AMBRA1: variants seen among roughly 807,000 people sequenced by gnomAD.
AMBRA1 encodes activating molecule in BECN1-regulated autophagy protein 1.
A neutral mutation model predicts 125.4 loss-of-function variants in AMBRA1; 47 were observed. That is an observed-to-expected ratio of 0.37 (90% CI 0.30 to 0.48). The LOEUF (loss-of-function observed/expected upper bound fraction) is 0.48. AMBRA1 is among the 20% of genes least tolerant of loss of function. The probability of loss-of-function intolerance (pLI) is 0.99; values close to 1 mark genes in which losing one functional copy is unlikely to be tolerated. For synonymous variants in AMBRA1, 626 were observed against 655.5 expected, an observed-to-expected ratio of 0.95 and a Z score of 0.69; for missense variants, 1,331 against 1,693.4, an observed-to-expected ratio of 0.79 and a Z score of 3.76.
At chr11:46,503,871 T>C (rs559845067) in intron 9 of AMBRA1, among the ~76,000 whole-genome samples, 1 of 152,330 alleles carries the variant, frequency 6.6e-6, no homozygotes, top group African/African-American at 2.4e-5. Context: ...CAGTCTTTTA[T>C]TTGTTTAATA....
intron 17 of AMBRA1, among the ~76,000 whole-genome samples, chr11:46,400,362 T>C (rs577807156): frequency 1.3e-5 from 2 of 151,924 alleles, no homozygotes; most frequent in East Asian, 3.9e-4. Context: ...CTCATTAGAG[T>C]TGGATTTCCA....
chr11:46,515,128 G>A (rs1468902222), intron 7 of AMBRA1, among the ~76,000 whole-genome samples: 2 of 152,130 alleles, frequency 1.3e-5, no homozygotes, highest in African/African-American at 2.4e-5. Context: ...CCAAGTGGTC[G>A]TTTAGTAAGC....
chr11:46,405,519 G>C (rs950470985), intron 17 of AMBRA1, among the ~76,000 whole-genome samples: 3 of 152,000 alleles, frequency 2.0e-5, no homozygotes, highest in African/African-American at 7.2e-5. Flanking sequence ...AGGAGTTCAA[G>C]ACCAGCCCAG....
At chr11:46,451,897 AAACTTATC>A (rs1948615682) in intron 11 of AMBRA1, 1 of 149,258 alleles carries the variant, frequency 6.7e-6, no homozygotes, top group Admixed American at 6.6e-5. Flanking sequence ...TCCAACTGAA[AAACTTATC>A]AACTTTTCAA....
chr11:46,517,693 G>A (rs984012697), intron 7 of AMBRA1, among the ~76,000 whole-genome samples: 3 of 150,382 alleles, frequency 2.0e-5, no homozygotes, highest in Middle Eastern at 3.4e-3. Flanking sequence ...AATTAGCCGG[G>A]CCTGGTGGCA....
chr11:46,550,930 CAA>C (rs1159824681), intron 1 of AMBRA1, among the ~76,000 whole-genome samples: 16 of 64,852 alleles, frequency 2.5e-4, no homozygotes, highest in Non-Finnish European at 2.4e-4. Flanking sequence ...ACTAAAAATA[CAA>C]AAAAAAAAAA....
At chr11:46,584,967 G>C (rs1161471529) in intron 1 of AMBRA1, among the ~76,000 whole-genome samples, 2 of 152,112 alleles carry the variant, frequency 1.3e-5, no homozygotes, top group Non-Finnish European at 2.9e-5. Flanking sequence ...AGCTACTCAG[G>C]AGGCTGAGGC....
chr11:46,426,367 C>T (rs945514493), intron 14 of AMBRA1, among the ~76,000 whole-genome samples: 1 of 152,188 alleles, frequency 6.6e-6, no homozygotes, highest in South Asian at 2.1e-4. Context: ...AGGCATTGCA[C>T]ATGGACGCAC....
chr11:46,551,510 A>T (rs1448319630), intron 1 of AMBRA1, among the ~76,000 whole-genome samples: 1 of 152,156 alleles, frequency 6.6e-6, no homozygotes, highest in Non-Finnish European at 1.5e-5. Flanking sequence ...AAACCACTGC[A>T]CTAGGTGCTG....
rs1945469542 is a variant in AMBRA1, at chr11:46,396,416, G to C, written c.*1034C>G. On this transcript the variant is annotated 3_prime_UTR_variant, in exon 18 of 18. Transcript: ENST00000683756. ...GAAATAAGAGAGAGGAGCCTGGCGA[G>C]GGGCATGTCATCATTTTAATGATGT... The C allele has an allele frequency of 6.6e-6, 1 of 152,568 alleles. No individual in the cohort carries two copies. Among genetic ancestry groups the C allele is most frequent in the Non-Finnish European group, 1.5e-5 (1 of 68,018 alleles). The allele number at this position is 152,568 out of a possible 1,614,324, so 9.5% of individuals were successfully genotyped here.
intron 14 of AMBRA1, chr11:46,428,728 C>T (rs1947283235): frequency 1.7e-5 from 28 of 1,608,914 alleles, no homozygotes; most frequent in Non-Finnish European, 2.4e-5. Flanking sequence ...CAGCCCCAGC[C>T]TCGGCTTTCT....
chr11:46,449,578 A>C (rs1948472127), intron 11 of AMBRA1, among the ~76,000 whole-genome samples: 2 of 152,258 alleles, frequency 1.3e-5, no homozygotes, highest in African/African-American at 4.8e-5. Context: ...AAGGCTCAGT[A>C]CTGTTACAAT....
At chr11:46,567,501 G>T (rs2043575867) in intron 1 of AMBRA1, among the ~76,000 whole-genome samples, 1 of 151,866 alleles carries the variant, frequency 6.6e-6, no homozygotes, top group Non-Finnish European at 1.5e-5. Context: ...AAATAGCTGG[G>T]AGTACATGCA....
chr11:46,546,691 A>G (rs1327736172), intron 4 of AMBRA1, among the ~76,000 whole-genome samples: 1 of 152,210 alleles, frequency 6.6e-6, no homozygotes. Context: ...CAATGTCTAC[A>G]ACAATATATT....
chr11:46,488,183 C>T (rs1387275718), intron 11 of AMBRA1, among the ~76,000 whole-genome samples: 2 of 152,198 alleles, frequency 1.3e-5, no homozygotes, highest in African/African-American at 4.8e-5. Context: ...GGGCCAGATG[C>T]AGTGGCTCAC....
At chr11:46,432,028 T>C (rs779535080) in intron 14 of AMBRA1, among the ~76,000 whole-genome samples, 1 of 152,198 alleles carries the variant, frequency 6.6e-6, no homozygotes, top group African/African-American at 2.4e-5. Flanking sequence ...GAGGATGCTT[T>C]ATTTTTATTT....
intron 14 of AMBRA1, among the ~76,000 whole-genome samples, chr11:46,426,918 T>A (rs934485584): frequency 2.6e-5 from 4 of 152,090 alleles, no homozygotes; most frequent in Admixed American, 6.6e-5. Flanking sequence ...AAATAAAATA[T>A]CATTATTTTT....
chr11:46,514,071 T>C (rs923712868), intron 7 of AMBRA1, among the ~76,000 whole-genome samples: 11 of 152,130 alleles, frequency 7.2e-5, no homozygotes, highest in African/African-American at 2.7e-4. Context: ...ATATTGTTCC[T>C]CTCCAGCAGC....
chr11:46,466,931 T>C (rs1295859754), intron 11 of AMBRA1, among the ~76,000 whole-genome samples: 2 of 150,924 alleles, frequency 1.3e-5, no homozygotes, highest in Non-Finnish European at 3.0e-5. Flanking sequence ...TCTTTTTTTT[T>C]TTTTTGAGAT....
Sources: allele counts gnomAD v4.1 joint callset (sites outside exome capture counted in the v4.1 genomes callset), GRCh38; gene constraint gnomAD v4.1.1; transcripts MANE v1.5; gene names NCBI Gene and HGNC (gene_info 2026-07-23, HGNC 2026-07-21).